The following STXBP5L variants were observed in gnomAD, a reference collection of about 807,000 sequenced individuals.
STXBP5L encodes syntaxin-binding protein 5-like.
In STXBP5L, 65 loss-of-function variants were observed where a neutral mutation model predicts 144.5. The observed-to-expected ratio is 0.45, with a 90% confidence interval of 0.37 to 0.55. The LOEUF (loss-of-function observed/expected upper bound fraction) is 0.55. Among genes scored for constraint, STXBP5L ranks in the 20% least tolerant of loss-of-function variants. The pLI, the probability that STXBP5L is intolerant of heterozygous loss-of-function variation, is 0.00. For synonymous variants in STXBP5L, 505 were observed against 469.6 expected (o/e 1.08, Z -0.97); for missense variants, 1,298 against 1,405.5 (o/e 0.92, Z 1.22).
chr3:121,263,199 C>A (rs2050442226), intron 18 of STXBP5L, among the ~76,000 whole-genome samples: 1 of 152,282 alleles, frequency 6.6e-6, no homozygotes, highest in African/African-American at 2.4e-5. Flanking sequence ...GACCACCCAG[C>A]AAACTCCAGC....
chr3:121,239,116 A>T lies in STXBP5L; in HGVS notation c.1330A>T (p.Lys444Ter). 6.6e-7 allele frequency: 1 copy of T among 1,524,434 alleles called. No individual in the cohort carries two copies. The highest frequency in any genetic ancestry group is 8.9e-7 in the Non-Finnish European group (1 of 1,127,278). 94.4% of individuals were successfully genotyped at this position (1,524,434 alleles called of 1,614,324 possible). A position where few individuals can be genotyped will look rare whatever the true frequency, so the allele number is the denominator to read the frequency against. ...GCATAAAAAACAAGGATACAGTAAT[A>T]AGGTAAAAGTAGAAATTATAAATAA... Reference protein sequence around the residue: ...VKHKKQGYSNKEWPISGGAWN... With the variant: ...VKHKKQGYSN Residue 444 changes from lysine to a stop codon, truncating the protein, a stop_gained and splice_region_variant, in exon 13 of 27, where the codon AAG becomes TAG. Transcript: ENST00000471454. LOFTEE classifies it high-confidence loss of function.
intron 20 of STXBP5L, among the ~76,000 whole-genome samples, chr3:121,361,825 T>C (rs2045721288): frequency 1.3e-5 from 2 of 152,138 alleles, no homozygotes; most frequent in South Asian, 4.1e-4. Context: ...GGTGAAGTCA[T>C]GTTTTCCTGG....
At chr3:121,193,935 A>G (rs2047811775) in intron 9 of STXBP5L, among the ~76,000 whole-genome samples, 1 of 151,068 alleles carries the variant, frequency 6.6e-6, no homozygotes, top group African/African-American at 2.4e-5. Flanking sequence ...ACAAACTTGG[A>G]CATTGTGCAC....
chr3:120,921,940 T>C (rs778746520), intron 2 of STXBP5L, among the ~76,000 whole-genome samples: 3 of 152,014 alleles, frequency 2.0e-5, no homozygotes, highest in Non-Finnish European at 4.4e-5. Context: ...TTTCTTTGGC[T>C]ATTCAGGATC....
intron 5 of STXBP5L, among the ~76,000 whole-genome samples, chr3:121,060,338 G>A (rs916036564): frequency 6.6e-6 from 1 of 152,134 alleles, no homozygotes; most frequent in Non-Finnish European, 1.5e-5. Context: ...GATTGTGGTG[G>A]ATAAGCTTTT....
At chr3:121,397,672 G>A (rs1270342452) in intron 22 of STXBP5L, among the ~76,000 whole-genome samples, 2 of 152,130 alleles carry the variant, frequency 1.3e-5, no homozygotes, top group Non-Finnish European at 2.9e-5. Flanking sequence ...TGCATTATAT[G>A]TTGACTTTAA....
intron 5 of STXBP5L, among the ~76,000 whole-genome samples, chr3:121,072,519 G>A (rs947957158): frequency 1.3e-5 from 2 of 152,184 alleles, no homozygotes; most frequent in South Asian, 4.1e-4. Context: ...TTGCTTCTGC[G>A]ATGGCAAGCC....
Position 121,159,460 on chromosome 3 carries a change from C to T in STXBP5L, c.877+1833C>T, listed in dbSNP as rs551911532. On this transcript the variant is annotated intron_variant, in intron 9 of 26. Coordinates refer to ENST00000471454, the MANE Select transcript of STXBP5L (RefSeq NM_001308330.2). ...TGCTAAAATTATAGGTGTGAGCAACCACACCCAACCTCAATTTCTAAGCAT... is the reference window on the plus strand; with the variant it reads ...TGCTAAAATTATAGGTGTGAGCAACTACACCCAACCTCAATTTCTAAGCAT... 2.0e-5 allele frequency among the ~76,000 whole-genome samples: 3 copies of T among 152,062 alleles called. No homozygotes were observed. The South Asian group carries it at 6.2e-4, about 32-fold the overall frequency.
At chr3:120,956,828 TAATG>T (rs1443504138) in intron 3 of STXBP5L, among the ~76,000 whole-genome samples, 1 of 151,994 alleles carries the variant, frequency 6.6e-6, no homozygotes, top group Non-Finnish European at 1.5e-5. Flanking sequence ...TTTTAAATTT[TAATG>T]AAGTTCAAGT....
intron 3 of STXBP5L, among the ~76,000 whole-genome samples, chr3:120,964,862 A>G (rs1304821761): frequency 2.0e-5 from 3 of 152,016 alleles, no homozygotes; most frequent in Non-Finnish European, 4.4e-5. Context: ...TCTAATTTTG[A>G]CAGTGGGGTG....
chr3:121,301,873 G>A (rs1382592858), intron 19 of STXBP5L, among the ~76,000 whole-genome samples: 1 of 152,166 alleles, frequency 6.6e-6, no homozygotes. Flanking sequence ...TGTTGAACCA[G>A]CCTTGCATCC....
intron 20 of STXBP5L, among the ~76,000 whole-genome samples, chr3:121,323,156 TATTG>T (rs1559975556): frequency 2.0e-5 from 3 of 152,224 alleles, no homozygotes; most frequent in African/African-American, 4.8e-5. Flanking sequence ...CTGTCCACCC[TATTG>T]ATTGTTTCTC....
chr3:121,239,062 A>T lies in STXBP5L; in HGVS notation c.1276A>T (p.Ile426Phe). ...CTTTGCAGATTGTCCTCCGGATTTG[A>T]TTCTAGTACTGTATTCTATAGGAGT... ...AYFADCPPDL[I>F]LVLYSIGVKH... The change falls in exon 13 of 27, where the codon ATT (isoleucine) becomes TTT (phenylalanine). Residue 426 changes from isoleucine (I) to phenylalanine (F), a missense_variant. Ile to Phe is a conservative substitution (Grantham distance 21). Transcript: ENST00000471454. The T allele has an allele frequency of 1.9e-6, 3 of 1,609,846 alleles. No individual in the cohort carries two copies. The highest frequency in any genetic ancestry group is 2.2e-5 in the South Asian group (2 of 90,424).
intron 5 of STXBP5L, among the ~76,000 whole-genome samples, chr3:121,067,790 G>A (rs2041617009): frequency 6.6e-6 from 1 of 152,008 alleles, no homozygotes; most frequent in Non-Finnish European, 1.5e-5. Flanking sequence ...GTTGTTGGAT[G>A]TATACATTTA....
At chr3:121,323,388 T>C (rs1212253523) in intron 20 of STXBP5L, among the ~76,000 whole-genome samples, 1 of 152,176 alleles carries the variant, frequency 6.6e-6, no homozygotes, top group East Asian at 1.9e-4. Flanking sequence ...ATTATAACTC[T>C]GATTTTCTAT....
chr3:121,069,430 T>G (rs146296678), intron 5 of STXBP5L, among the ~76,000 whole-genome samples: 1 of 152,258 alleles, frequency 6.6e-6, no homozygotes, highest in Non-Finnish European at 1.5e-5. Context: ...TGTGAACTTA[T>G]TACAAGTAAA....
Position 121,422,196 on chromosome 3 carries a change from GTC to G in STXBP5L, c.*3102_*3103del, listed in dbSNP as rs1488100079. The G allele has an allele frequency of 6.6e-6, 1 of 152,082 alleles. No homozygotes were observed. The highest frequency in any genetic ancestry group is 1.5e-5 in the Non-Finnish European group (1 of 68,022). 9.4% of individuals were successfully genotyped at this position (152,082 alleles called of 1,614,324 possible). ...GTTGATCCATGTAATCCTTTGCATAGTCTCATCTTTACTATCTTTCTTCTATT... is the reference window on the plus strand; with the variant it reads ...GTTGATCCATGTAATCCTTTGCATAGTCATCTTTACTATCTTTCTTCTATT... On this transcript the variant is annotated 3_prime_UTR_variant, in exon 27 of 27. Transcript: ENST00000471454.
intron 20 of STXBP5L, among the ~76,000 whole-genome samples, chr3:121,329,108 C>A (rs991250280): frequency 6.6e-6 from 1 of 151,898 alleles, no homozygotes; most frequent in East Asian, 1.9e-4. Context: ...TCTAATTCAA[C>A]AACTAAGAAC....
chr3:121,187,964 T>C (rs1577155029), intron 9 of STXBP5L, among the ~76,000 whole-genome samples: 1 of 151,960 alleles, frequency 6.6e-6, no homozygotes, highest in East Asian at 1.9e-4. Context: ...GGTAAATGGA[T>C]CACTGAAAGA....
Sources: gnomAD v4.1 joint callset for allele counts (sites outside exome capture counted in the v4.1 genomes callset) on GRCh38, gnomAD v4.1.1 for gene constraint, MANE v1.5 for transcripts, NCBI Gene and HGNC (gene_info 2026-07-23, HGNC 2026-07-21) for gene names.